The following TSHZ2 variants were observed in gnomAD, a reference collection of about 807,000 sequenced individuals.
TSHZ2 encodes the protein teashirt zinc finger homeobox 2.
TSHZ2 carries 21 observed loss-of-function variants against 74.4 expected under a neutral mutation model. The observed-to-expected ratio is 0.28, with a 90% CI of 0.20 to 0.41. The LOEUF is 0.41. Ranked by LOEUF, TSHZ2 falls within the 10% of genes least tolerant of loss-of-function variation. TSHZ2 has a pLI of 1.00. For missense variants in TSHZ2, 1,244 were observed against 1,293.5 expected (o/e 0.96, Z 0.59); for synonymous variants, 540 against 515.3 (o/e 1.05, Z -0.65).
At chr20:53,003,194 T>C (rs1019606519) in intron 1 of TSHZ2, among the ~76,000 whole-genome samples, 2 of 151,912 alleles carry the variant, frequency 1.3e-5, no homozygotes, top group Non-Finnish European at 2.9e-5. Flanking sequence ...GGGAGAAACA[T>C]CCTGCCTGTC....
chr20:53,369,514 C>T (rs1227465508), intron 2 of TSHZ2, among the ~76,000 whole-genome samples: 4 of 151,766 alleles, frequency 2.6e-5, no homozygotes, highest in South Asian at 2.1e-4. Flanking sequence ...CAAGACCAGC[C>T]GGGCCAGCAT....
chr20:53,157,405 G>GT (rs1987820795), intron 1 of TSHZ2, among the ~76,000 whole-genome samples: 3 of 117,946 alleles, frequency 2.5e-5, no homozygotes, highest in South Asian at 2.5e-4. Context: ...ACATTGAGTT[G>GT]GTTTTTTTTT....
chr20:53,393,305 C>T (rs1240383505), intron 2 of TSHZ2, among the ~76,000 whole-genome samples: 1 of 152,162 alleles, frequency 6.6e-6, no homozygotes, highest in African/African-American at 2.4e-5. Flanking sequence ...GTATAATGAC[C>T]TTCAGCTCTA....
chr20:52,979,818 A>G (rs1472515772), intron 1 of TSHZ2, among the ~76,000 whole-genome samples: 1 of 152,222 alleles, frequency 6.6e-6, no homozygotes, highest in East Asian at 1.9e-4. Context: ...GATTATTAAT[A>G]TATCAGTATT....
intron 1 of TSHZ2, among the ~76,000 whole-genome samples, chr20:53,048,239 G>A (rs1022420781): frequency 1.3e-5 from 2 of 151,996 alleles, no homozygotes; most frequent in South Asian, 2.1e-4. Context: ...GGCCTTTCCC[G>A]TTGTTCTTTG....
intron 2 of TSHZ2, among the ~76,000 whole-genome samples, chr20:53,406,064 G>T (rs766227181): frequency 6.6e-6 from 1 of 152,082 alleles, no homozygotes; most frequent in Non-Finnish European, 1.5e-5. Context: ...TTCTAGACAG[G>T]GTAGATGATG....
chr20:53,171,895 G>T (rs959863898), intron 1 of TSHZ2, among the ~76,000 whole-genome samples: 1 of 152,082 alleles, frequency 6.6e-6, no homozygotes, highest in Non-Finnish European at 1.5e-5. Context: ...TTTCCCCCTA[G>T]ATGAAAATTG....
In TSHZ2 at chr20:53,182,105, T is replaced by C. The variant is rs1988484227; in HGVS notation, c.41-71394T>C. On this transcript the variant is annotated intron_variant, in intron 1 of 2. Transcript: ENST00000371497. ...GCCGGCCTGCCTTCCTTTCCTTCCT[T>C]CCTTCCTTCCTCCCTTCTTTCTCTC... Among the ~76,000 whole-genome samples the C allele has an allele frequency of 1.3e-5, 2 of 151,316 alleles. 1 individual carries two copies. The highest frequency in any genetic ancestry group is 4.2e-4 in the South Asian group (2 of 4,762).
At chr20:53,117,940 A>G (rs1986714419) in intron 1 of TSHZ2, among the ~76,000 whole-genome samples, 1 of 152,328 alleles carries the variant, frequency 6.6e-6, no homozygotes, top group Middle Eastern at 3.4e-3. Flanking sequence ...AAGGATGAGA[A>G]GTGTGTATTT....
intron 1 of TSHZ2, among the ~76,000 whole-genome samples, chr20:53,026,086 A>C (rs1983433911): frequency 6.6e-6 from 1 of 152,062 alleles, no homozygotes; most frequent in Admixed American, 6.6e-5. Context: ...TCCCAACCCT[A>C]AGTTAGTGAA....
chr20:53,003,295 T>A (rs1982511540), intron 1 of TSHZ2, among the ~76,000 whole-genome samples: 2 of 144,910 alleles, frequency 1.4e-5, no homozygotes, highest in African/African-American at 2.5e-5. Flanking sequence ...TGTGTGTGTG[T>A]GAAATTTTTT....
chr20:53,338,880 C>T (rs1980064632), intron 2 of TSHZ2, among the ~76,000 whole-genome samples: 1 of 152,226 alleles, frequency 6.6e-6, no homozygotes, highest in Admixed American at 6.5e-5. Context: ...GAGGCCAGCA[C>T]TGCGTCAGCG....
chr20:53,331,737 A>AAATGGAT (rs11474548), intron 2 of TSHZ2, among the ~76,000 whole-genome samples: 1 of 151,158 alleles, frequency 6.6e-6, no homozygotes, highest in African/African-American at 2.4e-5. Flanking sequence ...CAGATTAGGA[A>AAATGGAT]AAGGGTTATG....
At chr20:53,168,522 T>C (rs1452773983) in intron 1 of TSHZ2, 7 of 152,240 alleles carry the variant, frequency 4.6e-5, no homozygotes, top group Non-Finnish European at 8.8e-5. Flanking sequence ...TGATGAATAC[T>C]GGAAAAATTG....
chr20:53,341,275 C>T lies in TSHZ2; in HGVS notation c.*8+84704C>T, dbSNP rs535064899. Among the ~76,000 whole-genome samples, 10 of 152,268 alleles carry T rather than the reference C, an allele frequency of 6.6e-5. No individual in the cohort carries two copies. In the South Asian group the frequency reaches 8.3e-4, roughly 13 times the overall value. On this transcript the variant is annotated intron_variant, in intron 2 of 2. Transcript: ENST00000371497. The stretch of plus-strand genomic sequence containing the variant: ...CCAGAGCATTTGCTGAGCTCACCAC[C>T]AGGGAACGAATACAACAACATTGAT...
chr20:53,122,864 T>C (rs1321780969), intron 1 of TSHZ2, among the ~76,000 whole-genome samples: 3 of 152,202 alleles, frequency 2.0e-5, no homozygotes, highest in Non-Finnish European at 4.4e-5. Context: ...GAAGGCCCAC[T>C]CTCAACCCCC....
At chr20:52,973,440 A>T (rs2122847500) in intron 1 of TSHZ2, 107 bp downstream of exon 1, 1 of 1,422,160 alleles carries the variant, frequency 7.0e-7, no homozygotes, top group Non-Finnish European at 9.5e-7. Context: ...CTTTCGGGGG[A>T]GTTTGCGCCG....
chr20:53,446,430 C>T (rs1244078082), intron 2 of TSHZ2, among the ~76,000 whole-genome samples: 1 of 149,658 alleles, frequency 6.7e-6, no homozygotes, highest in East Asian at 2.0e-4. Context: ...AAAAAACTAG[C>T]CGGGTGTGGT....
intron 2 of TSHZ2, among the ~76,000 whole-genome samples, chr20:53,312,556 T>A (rs1167413321): frequency 6.6e-6 from 1 of 152,094 alleles, no homozygotes; most frequent in Non-Finnish European, 1.5e-5. Flanking sequence ...ATGGAGTAGG[T>A]GAAATGGCAC....
Sources: allele counts gnomAD v4.1 joint callset (sites outside exome capture counted in the v4.1 genomes callset), GRCh38; gene constraint gnomAD v4.1.1; transcripts MANE v1.5; gene names NCBI Gene and HGNC (gene_info 2026-07-23, HGNC 2026-07-21).